The following SKAP2 variants were observed in gnomAD, a reference collection of about 807,000 sequenced individuals.
SKAP2 encodes src kinase-associated phosphoprotein 2.
A neutral mutation model predicts 54.9 loss-of-function variants in SKAP2; 28 were observed. The ratio of observed to expected loss-of-function variants is 0.51; its 90% CI spans 0.38 to 0.70. SKAP2 has a LOEUF of 0.70. Among genes scored for constraint, SKAP2 ranks in the 30% least tolerant of loss-of-function variants. SKAP2 has a pLI of 0.00. For synonymous variants in SKAP2, 137 were observed against 134.3 expected (o/e 1.02, Z -0.14); for missense variants, 356 against 424.1 (o/e 0.84, Z 1.41).
intron 11 of SKAP2, among the ~76,000 whole-genome samples, chr7:26,680,700 A>G (rs1376510243): frequency 6.6e-6 from 1 of 152,228 alleles, no homozygotes; most frequent in Non-Finnish European, 1.5e-5. Flanking sequence ...TAGAAGTATA[A>G]AGCAAAAAGT....
At chr7:26,789,026 A>G (rs1330645402) in intron 4 of SKAP2, among the ~76,000 whole-genome samples, 2 of 152,204 alleles carry the variant, frequency 1.3e-5, no homozygotes, top group Non-Finnish European at 2.9e-5. Flanking sequence ...CTTCAAATAC[A>G]GTATGAACCA....
intron 4 of SKAP2, 136 bp downstream of exon 4, chr7:26,843,894 C>T (rs1784866754): frequency 1.7e-6 from 1 of 575,822 alleles, no homozygotes; most frequent in African/African-American, 1.9e-5. Flanking sequence ...GAGAGCTCTT[C>T]TGTTCCTTAA....
At chr7:26,685,518 C>T (rs1166148353) in intron 10 of SKAP2, among the ~76,000 whole-genome samples, 1 of 152,066 alleles carries the variant, frequency 6.6e-6, no homozygotes, top group Non-Finnish European at 1.5e-5. Flanking sequence ...CATTTTTCAA[C>T]CGATTTTTGT....
chr7:26,670,904 A>G (rs563468668), intron 11 of SKAP2, among the ~76,000 whole-genome samples: 125 of 152,256 alleles, frequency 8.2e-4, no homozygotes, highest in Non-Finnish European at 1.3e-3. Context: ...TCACCCTTAT[A>G]GTGGAAGATC....
intron 10 of SKAP2, 100 bp downstream of exon 10, chr7:26,690,185 G>T: frequency 1.2e-6 from 1 of 854,334 alleles, no homozygotes; most frequent in Non-Finnish European, 1.9e-6. Flanking sequence ...TGCCAACTTT[G>T]GGGAGCTGTG....
intron 4 of SKAP2, among the ~76,000 whole-genome samples, chr7:26,764,093 C>G (rs1782992423): frequency 6.6e-6 from 1 of 151,972 alleles, no homozygotes; most frequent in Non-Finnish European, 1.5e-5. Context: ...AAGATGAAAG[C>G]TAGACAAAAG....
chr7:26,799,292 A>C (rs34050343), intron 4 of SKAP2, among the ~76,000 whole-genome samples: 4,917 of 149,440 alleles, frequency 0.033, 127 homozygotes, highest in Non-Finnish European at 0.051. Context: ...GAAAAAAAAA[A>C]CCCCATTGAT....
chr7:26,699,170 AACT>A (rs1464864921), intron 9 of SKAP2, among the ~76,000 whole-genome samples: 2 of 152,222 alleles, frequency 1.3e-5, no homozygotes, highest in Admixed American at 1.3e-4. Context: ...ACCAGCTTTT[AACT>A]ACTACTTGTC....
At chr7:26,663,862 GA>G (rs914581956), downstream of SKAP2, among the ~76,000 whole-genome samples, 1 of 152,264 alleles carries the variant, frequency 6.6e-6, no homozygotes, top group African/African-American at 2.4e-5. Flanking sequence ...ATCTGGACTG[GA>G]ACGTCAAGTG....
intron 11 of SKAP2, among the ~76,000 whole-genome samples, chr7:26,674,520 TTTACTA>T (rs1348469116): frequency 6.6e-5 from 10 of 152,144 alleles, no homozygotes; most frequent in East Asian, 3.9e-4. Flanking sequence ...ACCTCGGCGT[TTTACTA>T]TTACTATCTA....
chr7:26,765,258 T>A (rs10263118), intron 4 of SKAP2, among the ~76,000 whole-genome samples: 2 of 151,914 alleles, frequency 1.3e-5, no homozygotes, highest in African/African-American at 4.8e-5. Flanking sequence ...TCATATGTTT[T>A]TTGGCCACAT....
In SKAP2 at chr7:26,732,032, T is replaced by C. The variant is rs184232444; in HGVS notation, c.470-5026A>G. 9.3e-4 allele frequency among the ~76,000 whole-genome samples: 142 copies of C among 152,336 alleles called. 1 individual carries two copies. Among genetic ancestry groups the C allele is most frequent in the African/African-American group, 3.3e-3 (137 of 41,582 alleles). ...TTAGCATCCCTACAAGTTATGGACA[T>C]TTATTATTTGGGGCTCCCCAGCATC... On this transcript the variant is annotated intron_variant, in intron 6 of 12. Coordinates refer to ENST00000345317, the MANE Select transcript of SKAP2 (RefSeq NM_003930.5).
At chr7:26,681,562 C>G (rs1259731259) in intron 11 of SKAP2, among the ~76,000 whole-genome samples, 1 of 152,152 alleles carries the variant, frequency 6.6e-6, no homozygotes, top group African/African-American at 2.4e-5. Context: ...TTTTCTTAAA[C>G]TATTTTATGT....
intron 4 of SKAP2, among the ~76,000 whole-genome samples, chr7:26,760,896 G>T (rs143971009): frequency 1.2e-3 from 185 of 152,282 alleles, no homozygotes; most frequent in African/African-American, 4.2e-3. Flanking sequence ...TTTTAGAAAA[G>T]AAATGAATCA....
At chr7:26,738,730 A>AG (rs2127960971) in intron 6 of SKAP2, 65 bp downstream of exon 6, 1 of 815,504 alleles carries the variant, frequency 1.2e-6, no homozygotes, top group Admixed American at 1.7e-5. Context: ...TACTCAAAAG[A>AG]GGGGGAAGGG....
intron 4 of SKAP2, among the ~76,000 whole-genome samples, chr7:26,841,914 T>G (rs1784825034): frequency 6.6e-6 from 1 of 152,012 alleles, no homozygotes; most frequent in Admixed American, 6.6e-5. Context: ...GCTAATTCGG[T>G]TATGCTTATT....
chr7:26,828,737 C>A (rs566227392), intron 4 of SKAP2, among the ~76,000 whole-genome samples: 82 of 141,112 alleles, frequency 5.8e-4, no homozygotes, highest in Non-Finnish European at 9.4e-4. Flanking sequence ...CACAAAAGAA[C>A]AAGTGATGGC....
At chr7:26,746,781 G>A (rs1782568534) in intron 4 of SKAP2, 1 of 151,980 alleles carries the variant, frequency 6.6e-6, no homozygotes, top group Non-Finnish European at 1.5e-5. Context: ...ACTTTCAGTA[G>A]CAAATGGCCA....
chr7:26,769,155 T>C (rs7777744), intron 4 of SKAP2, among the ~76,000 whole-genome samples: 57,910 of 151,962 alleles, frequency 0.38, 11,604 homozygotes, highest in Middle Eastern at 0.48. Context: ...TTGTTCCTTT[T>C]CATTCTTTTT....
Sources: allele counts gnomAD v4.1 joint callset (sites outside exome capture counted in the v4.1 genomes callset), GRCh38; gene constraint gnomAD v4.1.1; transcripts MANE v1.5; gene names NCBI Gene and HGNC (gene_info 2026-07-23, HGNC 2026-07-21).